The following HNRNPF variants were observed in gnomAD, a reference collection of about 807,000 sequenced individuals.
HNRNPF encodes HnRNP F protein.
A neutral mutation model predicts 26.0 loss-of-function variants in HNRNPF; 2 were observed. That is an observed-to-expected ratio of 0.08 (90% CI 0.03 to 0.24). The LOEUF is 0.24. HNRNPF is among the 10% of genes least tolerant of loss of function. HNRNPF has a pLI of 1.00. For synonymous variants in HNRNPF, 234 were observed against 211.5 expected, an observed-to-expected ratio of 1.11 and a Z score of -0.92; for missense variants, 299 against 539.2, an observed-to-expected ratio of 0.55 and a Z score of 4.41.
intron 1 of HNRNPF, among the ~76,000 whole-genome samples, chr10:43,406,088 T>A (rs775552671): frequency 2.0e-5 from 3 of 152,112 alleles, no homozygotes; most frequent in Non-Finnish European, 4.4e-5. Context: ...GAGCATGTAA[T>A]TAGAAAATGG....
chr10:43,386,927 C>G lies in HNRNPF; in HGVS notation c.958G>C (p.Glu320Gln), dbSNP rs1345249865. The change falls in exon 4 of 4, where the codon GAG (glutamate) becomes CAG (glutamine). Residue 320 changes from glutamate (E) to glutamine (Q), a missense_variant. Coordinates refer to ENST00000682386, the MANE Select transcript of HNRNPF (RefSeq NM_001098204.2). Reference sequence around the variant, plus strand: ...GTCACTCTTCCATCTGGGCCAATCTCAATATGGACTCTCACAGGGTTGAGA... The same window carrying G: ...GTCACTCTTCCATCTGGGCCAATCTGAATATGGACTCTCACAGGGTTGAGA... Reference protein sequence around the residue: ...SPLNPVRVHIEIGPDGRVTGE... With the variant: ...SPLNPVRVHIQIGPDGRVTGE... 1 of 1,614,170 alleles carries G rather than the reference C, an allele frequency of 6.2e-7. No homozygotes were observed. Among genetic ancestry groups the G allele is most frequent in the South Asian group, 1.1e-5 (1 of 91,086 alleles).
chr10:43,390,815 G>C (rs948089327), intron 3 of HNRNPF, among the ~76,000 whole-genome samples: 7 of 152,232 alleles, frequency 4.6e-5, no homozygotes, highest in Admixed American at 3.3e-4. Flanking sequence ...CAGGACTACT[G>C]ACATTTTGGA....
At chr10:43,406,910 T>G (rs1393299690) in intron 1 of HNRNPF, among the ~76,000 whole-genome samples, 3 of 152,108 alleles carry the variant, frequency 2.0e-5, no homozygotes, top group Non-Finnish European at 4.4e-5. Context: ...TTAATATTCA[T>G]TAAAGTAGTA....
chr10:43,391,938 C>T (rs771932237), intron 3 of HNRNPF, among the ~76,000 whole-genome samples: 2 of 152,162 alleles, frequency 1.3e-5, no homozygotes, highest in Non-Finnish European at 2.9e-5. Context: ...CTTCCACTCC[C>T]CTCCATTAAA....
chr10:43,394,983 G>A (rs1838415106), intron 2 of HNRNPF, among the ~76,000 whole-genome samples: 1 of 152,106 alleles, frequency 6.6e-6, no homozygotes, highest in Non-Finnish European at 1.5e-5. Context: ...ACCCCACCCA[G>A]CGAATTTTTG....
At chr10:43,395,562 G>A (rs1838454828) in intron 2 of HNRNPF, among the ~76,000 whole-genome samples, 2 of 152,200 alleles carry the variant, frequency 1.3e-5, no homozygotes, top group African/African-American at 2.4e-5. Context: ...CAAACTTCCA[G>A]TGATTATTAC....
At chr10:43,395,960 G>A (rs939505490) in intron 2 of HNRNPF, among the ~76,000 whole-genome samples, 3 of 152,280 alleles carry the variant, frequency 2.0e-5, no homozygotes, top group African/African-American at 7.2e-5. Context: ...CGCTGGGGGC[G>A]GGGAGGGCTG....
Position 43,386,545 on chromosome 10 carries a change from G to T in HNRNPF, c.*92C>A. 1 of 1,220,332 alleles carries T rather than the reference G, an allele frequency of 8.2e-7. No homozygotes were observed. Among genetic ancestry groups the T allele is most frequent in the Non-Finnish European group, 1.1e-6 (1 of 903,784 alleles). 75.6% of individuals were successfully genotyped at this position (1,220,332 alleles called of 1,614,324 possible). A position where few individuals can be genotyped will look rare whatever the true frequency, so the allele number is the denominator to read the frequency against. Reference sequence around the variant, plus strand: ...TTTTCACAAACTCATGGTGCAAAATGGGTCCCCCAGCTTCCTCTATTATAA... The same window carrying T: ...TTTTCACAAACTCATGGTGCAAAATTGGTCCCCCAGCTTCCTCTATTATAA... On this transcript the variant is annotated 3_prime_UTR_variant, in exon 4 of 4. Transcript: ENST00000682386.
intron 3 of HNRNPF, among the ~76,000 whole-genome samples, chr10:43,390,033 G>A (rs997216639): frequency 3.9e-5 from 6 of 152,194 alleles, no homozygotes; most frequent in African/African-American, 1.4e-4. Context: ...ACCTTAGAAA[G>A]TAATGGTCTC....
At chr10:43,393,168 C>A (rs549976631) in intron 3 of HNRNPF, among the ~76,000 whole-genome samples, 2 of 152,354 alleles carry the variant, frequency 1.3e-5, no homozygotes, top group East Asian at 3.9e-4. Context: ...CCTATGAACT[C>A]AGTAATTCTT....
At chr10:43,396,763 G>A (rs534686425) in intron 1 of HNRNPF, 173 bp from the exon 2 acceptor site, 1 of 151,968 alleles carries the variant, frequency 6.6e-6, no homozygotes, top group Non-Finnish European at 1.5e-5. Context: ...CGGCCCGGCA[G>A]GAAGGTCGGC....
intron 1 of HNRNPF, chr10:43,397,132 G>A (rs903887799): frequency 1.3e-5 from 2 of 152,290 alleles, no homozygotes; most frequent in Non-Finnish European, 2.9e-5. Context: ...GGGACCTGGG[G>A]GGGGCGGCCG....
intron 1 of HNRNPF, among the ~76,000 whole-genome samples, chr10:43,402,568 C>G (rs898023228): frequency 1.3e-5 from 2 of 152,180 alleles, no homozygotes; most frequent in Non-Finnish European, 2.9e-5. Flanking sequence ...CATGGCAGCC[C>G]TAGCATACTA....
chr10:43,387,869 C>G lies in HNRNPF; in HGVS notation c.16G>C (p.Glu6Gln), dbSNP rs373174883. MMLGP[E>Q]GGEGFVVKLR... Reference sequence around the variant, plus strand: ...TTGACCACAAAGCCTTCACCTCCCTCAGGGCCCAGCATCATGGACACTTGT... The same window carrying G: ...TTGACCACAAAGCCTTCACCTCCCTGAGGGCCCAGCATCATGGACACTTGT... Residue 6 changes from glutamate (E) to glutamine (Q), a missense_variant, in exon 4 of 4, where the codon GAG (glutamate) becomes CAG (glutamine). Coordinates refer to ENST00000682386, the MANE Select transcript of HNRNPF (RefSeq NM_001098204.2). This position sits in a 1 kb window ranked among gnomAD's most constrained non-coding sequence, Gnocchi z 6.0. 6.2e-7 allele frequency: 1 copy of G among 1,609,308 alleles called. No homozygotes were observed. Among genetic ancestry groups the G allele is most frequent in the Non-Finnish European group, 8.5e-7 (1 of 1,176,116 alleles).
intron 3 of HNRNPF, among the ~76,000 whole-genome samples, chr10:43,393,386 A>C (rs1838331800): frequency 6.6e-6 from 1 of 152,170 alleles, no homozygotes; most frequent in African/African-American, 2.4e-5. Flanking sequence ...ACCTGAAGTC[A>C]GGAGTTCAAG....
intron 1 of HNRNPF, among the ~76,000 whole-genome samples, chr10:43,405,120 T>C (rs1838872794): frequency 1.3e-5 from 2 of 152,226 alleles, no homozygotes; most frequent in Admixed American, 6.5e-5. Flanking sequence ...TTAATTATTT[T>C]AGTCAAGATC....
intron 1 of HNRNPF, among the ~76,000 whole-genome samples, chr10:43,403,518 T>C (rs1838817176): frequency 1.3e-5 from 2 of 152,146 alleles, no homozygotes. Flanking sequence ...CCAAACCAAG[T>C]ATCAGTCAAC....
intron 1 of HNRNPF, among the ~76,000 whole-genome samples, chr10:43,397,025 A>G (rs569430600): frequency 6.7e-6 from 1 of 149,470 alleles, no homozygotes; most frequent in South Asian, 2.1e-4. Context: ...CCTAGGCGGG[A>G]GCTCGGGGAC....
At chr10:43,394,165 G>C (rs894279258) in intron 3 of HNRNPF, among the ~76,000 whole-genome samples, 2 of 152,200 alleles carry the variant, frequency 1.3e-5, no homozygotes, top group African/African-American at 4.8e-5. Flanking sequence ...AGGATTAACT[G>C]TTGCCCATGT....
Sources: gnomAD v4.1 joint callset for allele counts (sites outside exome capture counted in the v4.1 genomes callset) on GRCh38, gnomAD v4.1.1 for gene constraint, Gnocchi (gnomAD v3.1) non-coding constraint, MANE v1.5 for transcripts, NCBI Gene and HGNC (gene_info 2026-07-23, HGNC 2026-07-21) for gene names.